The following RIMKLB variants were observed in gnomAD, a reference collection of about 807,000 sequenced individuals.
RIMKLB encodes the protein beta-citrylglutamate synthase B.
A neutral mutation model predicts 32.0 loss-of-function variants in RIMKLB; 7 were observed. The ratio of observed to expected loss-of-function variants is 0.22; its 90% confidence interval spans 0.12 to 0.41. The LOEUF (loss-of-function observed/expected upper bound fraction) is 0.41, where lower values mean the gene tolerates loss of function less well. Ranked by LOEUF, RIMKLB falls within the 10% of genes least tolerant of loss-of-function variation. The pLI, the probability that RIMKLB is intolerant of heterozygous loss-of-function variation, is 1.00. For missense variants in RIMKLB, 289 were observed against 498.7 expected (o/e 0.58, Z 4.00); for synonymous variants, 172 against 185.1 (o/e 0.93, Z 0.57).
intron 5 of RIMKLB, among the ~76,000 whole-genome samples, chr12:8,764,264 T>C (rs1270143416): frequency 6.6e-6 from 1 of 152,164 alleles, no homozygotes; most frequent in Non-Finnish European, 1.5e-5. Flanking sequence ...AATTCTTCGC[T>C]TGTCCATATT....
In RIMKLB at chr12:8,711,067, AAG is replaced by A. The variant is rs573277472; in HGVS notation, c.-56-2740_-56-2739del. On this transcript the variant is annotated intron_variant, in intron 1 of 5. Transcript: ENST00000535829. ...ATGGCAAAACCCCATATCTACTAAAAAGAGAAAAGTACGAAAATTAGCTGGGC... is the reference window on the plus strand; with the variant it reads ...ATGGCAAAACCCCATATCTACTAAAAAGAAAAGTACGAAAATTAGCTGGGC... Among the ~76,000 whole-genome samples the A allele has an allele frequency of 1.6e-3, 250 of 152,160 alleles. 1 individual carries two copies. Among genetic ancestry groups the A allele is most frequent in the Non-Finnish European group, 2.6e-3 (179 of 67,994 alleles).
the RIMKLB span, among the ~76,000 whole-genome samples, chr12:8,673,656 T>TA: frequency 6.6e-6 from 1 of 151,786 alleles, no homozygotes; most frequent in Non-Finnish European, 1.5e-5. Flanking sequence ...AGTGCAGTGT[T>TA]ACAATCTTGG....
At chr12:8,768,654 C>T (rs772628886) in intron 5 of RIMKLB, among the ~76,000 whole-genome samples, 13 of 152,248 alleles carry the variant, frequency 8.5e-5, no homozygotes, top group Admixed American at 5.9e-4. Flanking sequence ...AAAACTGAGC[C>T]GTGAACCTTT....
rs1296542569 is a variant in RIMKLB at position 8,777,157 on chromosome 12, A to T, written c.*3373A>T. ...TTTGTTTTTGTTGTACTAGGATTTT[A>T]AAAAATGTAATATATTGCAGGATTT... On this transcript the variant is annotated 3_prime_UTR_variant, in exon 6 of 6. Transcript: ENST00000535829. 48 of 982,872 alleles carry T rather than the reference A, an allele frequency of 4.9e-5. No individual in the cohort carries two copies. In the South Asian group the frequency reaches 1.5e-3, roughly 30 times the overall value. 60.9% of individuals were successfully genotyped at this position (982,872 alleles called of 1,614,324 possible). A position where few individuals can be genotyped will look rare whatever the true frequency, so the allele number is the denominator to read the frequency against.
intron 3 of RIMKLB, among the ~76,000 whole-genome samples, chr12:8,751,277 C>T (rs1019554074): frequency 1.6e-4 from 24 of 152,320 alleles, no homozygotes; most frequent in Middle Eastern, 3.4e-3. Context: ...AATTTTGCAA[C>T]GCTACACATT....
chr12:8,687,774 A>G (rs1037959017), intron 1 of RIMKLB, among the ~76,000 whole-genome samples: 2 of 150,844 alleles, frequency 1.3e-5, no homozygotes, highest in Non-Finnish European at 2.9e-5. Context: ...CAGAAGGAGA[A>G]TCTGTTCTGA....
rs748105863 is a variant in RIMKLB at position 8,754,031 on chromosome 12, G to T, written c.635G>T (p.Arg212Leu). 1 of 1,614,056 alleles carries T rather than the reference G, an allele frequency of 6.2e-7. No individual in the cohort carries two copies. The highest frequency in any genetic ancestry group is 8.5e-7 in the Non-Finnish European group (1 of 1,179,920). The change falls in exon 5 of 6, where the codon CGT becomes CTT. Residue 212 changes from arginine to leucine, a missense_variant. Physicochemically the swap from Arg to Leu is moderately radical, Grantham distance 102. Transcript: ENST00000535829. ...RDVRVIVVGGRVVGTMLRCST... is the reference protein window; with the variant it reads ...RDVRVIVVGGLVVGTMLRCST... ...GTACGTGTCATTGTCGTGGGAGGCC[G>T]TGTGGTTGGCACCATGTTACGTTGT...
chr12:8,703,135 A>G (rs746205608), intron 1 of RIMKLB, among the ~76,000 whole-genome samples: 2 of 152,116 alleles, frequency 1.3e-5, no homozygotes, highest in South Asian at 4.2e-4. Flanking sequence ...AAAATACAAA[A>G]ATTAGCTGGG....
intron 2 of RIMKLB, among the ~76,000 whole-genome samples, chr12:8,744,027 G>T (rs1947842197): frequency 1.3e-5 from 2 of 151,928 alleles, no homozygotes; most frequent in African/African-American, 4.9e-5. Context: ...GGAATCGTGG[G>T]TAAAGTTCTT....
At position 8,776,694 on chromosome 12, in the gene RIMKLB, A is replaced by G. The variant is rs920674822; in HGVS notation, c.*2910A>G. On this transcript the variant is annotated 3_prime_UTR_variant, in exon 6 of 6. Coordinates refer to ENST00000535829, the MANE Select transcript of RIMKLB (RefSeq NM_001297776.2). The stretch of plus-strand genomic sequence containing the variant: ...ATAGTTTTTTTCTTTTTTGGTGCCT[A>G]TAATTGATTGGTCATTTCTGCTGGC... 14 of 984,896 alleles carry G rather than the reference A, an allele frequency of 1.4e-5. No individual in the cohort carries two copies. The African/African-American group carries it at 2.4e-4, about 17-fold the overall frequency. The allele number at this position is 984,896 out of a possible 1,614,324, so 61.0% of individuals were successfully genotyped here.
intron 5 of RIMKLB, among the ~76,000 whole-genome samples, chr12:8,763,419 G>C (rs1163944862): frequency 6.6e-6 from 1 of 152,180 alleles, no homozygotes; most frequent in Non-Finnish European, 1.5e-5. Flanking sequence ...TTGGCTTTCT[G>C]AGTTTCCTTA....
At chr12:8,764,631 G>T (rs1471239367) in intron 5 of RIMKLB, among the ~76,000 whole-genome samples, 1 of 152,104 alleles carries the variant, frequency 6.6e-6, no homozygotes, top group African/African-American at 2.4e-5. Flanking sequence ...GCATACCCGG[G>T]GCTCTGTGAG....
chr12:8,749,030 T>G (rs1035407557), intron 2 of RIMKLB, among the ~76,000 whole-genome samples: 1 of 152,220 alleles, frequency 6.6e-6, no homozygotes, highest in Non-Finnish European at 1.5e-5. Context: ...AAGAAACATT[T>G]ATTTTAAAAA....
At chr12:8,734,277 G>T (rs561081949) in intron 2 of RIMKLB, among the ~76,000 whole-genome samples, 1 of 152,182 alleles carries the variant, frequency 6.6e-6, no homozygotes. Flanking sequence ...AAATATAAGG[G>T]TTTGAACTAG....
intron 1 of RIMKLB, among the ~76,000 whole-genome samples, chr12:8,702,765 AGT>A (rs1207352465): frequency 6.6e-6 from 1 of 152,224 alleles, no homozygotes; most frequent in African/African-American, 2.4e-5. Flanking sequence ...CATGTGATTT[AGT>A]TAGCCATATC....
At chr12:8,732,268 C>T (rs1341172274) in intron 2 of RIMKLB, among the ~76,000 whole-genome samples, 1 of 152,052 alleles carries the variant, frequency 6.6e-6, no homozygotes, top group Non-Finnish European at 1.5e-5. Flanking sequence ...CCTACTTGCC[C>T]TTTGTTTCTG....
Position 8,773,442 on chromosome 12 carries a change from C to T in RIMKLB, c.819C>T (p.Phe273=). The change falls in exon 6 of 6, where the codon TTC becomes TTT. Residue 273 remains phenylalanine, a synonymous_variant. Transcript: ENST00000535829. ...TGCTGATGAAAGATGACGGCTCCTTCTGCGTCTGTGAGGCCAATGCAAATG... is the reference window on the plus strand; with the variant it reads ...TGCTGATGAAAGATGACGGCTCCTTTTGCGTCTGTGAGGCCAATGCAAATG... ...IDLLMKDDGS[F]CVCEANANVG... 2.5e-6 allele frequency: 4 copies of T among 1,614,224 alleles called. No individual in the cohort carries two copies. The highest frequency in any genetic ancestry group is 3.4e-6 in the Non-Finnish European group (4 of 1,180,022).
At chr12:8,689,131 C>T (rs765500289) in intron 1 of RIMKLB, among the ~76,000 whole-genome samples, 55 of 152,208 alleles carry the variant, frequency 3.6e-4, no homozygotes, top group African/African-American at 1.3e-3. Flanking sequence ...CCGCTGCACC[C>T]GGCCATGCAT....
Position 8,690,917 on chromosome 12 carries a change from G to A in RIMKLB, n.219+9099G>A, listed in dbSNP as rs754708374. Among the ~76,000 whole-genome samples the A allele has an allele frequency of 8.6e-4, 131 of 151,996 alleles. 7 individuals carry two copies. The highest frequency in any genetic ancestry group is 1.3e-3 in the South Asian group (6 of 4,800). On this transcript the variant is annotated intron_variant and non_coding_transcript_variant, in intron 1 of 1. Transcript: ENST00000538758. ...CAGCCTGGCGACAGAGCGAGAGTCC[G>A]TCTCAAAAAACAAAACAAAACAAAA... is the stretch of plus-strand genomic sequence containing the variant.
Sources: gnomAD v4.1 joint callset for allele counts (sites outside exome capture counted in the v4.1 genomes callset) on GRCh38, gnomAD v4.1.1 for gene constraint, MANE v1.5 for transcripts, NCBI Gene and HGNC (gene_info 2026-07-23, HGNC 2026-07-21) for gene names.